EN1: variants seen among roughly 807,000 people sequenced by gnomAD.
EN1 encodes the protein homeobox protein engrailed-1.
A neutral mutation model predicts 22.9 loss-of-function variants in EN1; 8 were observed. The ratio of observed to expected loss-of-function variants is 0.35; its 90% CI spans 0.20 to 0.63. The LOEUF is 0.63. Ranked by LOEUF, EN1 falls within the 20% of genes least tolerant of loss-of-function variation. The pLI, the probability that EN1 is intolerant of heterozygous loss-of-function variation, is 0.73. For synonymous variants in EN1, 287 were observed against 262.5 expected, an observed-to-expected ratio of 1.09 and a Z score of -0.90; for missense variants, 521 against 572.1, an observed-to-expected ratio of 0.91 and a Z score of 0.91.
At chr2:118,844,840 T>C (rs1022796416) in intron 1 of EN1, among the ~76,000 whole-genome samples, 2 of 152,062 alleles carry the variant, frequency 1.3e-5, no homozygotes, top group East Asian at 1.9e-4. Context: ...CCCAGGCCCA[T>C]AAGAAGGAAA....
In EN1 at chr2:118,842,769, C is replaced by T. The variant is rs571324706; in HGVS notation, c.*169G>A. 2 of 1,183,848 alleles carry T rather than the reference C, an allele frequency of 1.7e-6. No individual in the cohort carries two copies. Among genetic ancestry groups the T allele is most frequent in the Non-Finnish European group, 2.3e-6 (2 of 876,582 alleles). The allele number at this position is 1,183,848 out of a possible 1,614,324, so 73.3% of individuals were successfully genotyped here. On this transcript the variant is annotated 3_prime_UTR_variant, in exon 2 of 2. Coordinates refer to ENST00000295206, the MANE Select transcript of EN1 (RefSeq NM_001426.4). Reference sequence around the variant, plus strand: ...GAGTCTTTCTCCCTTTTCAAAAATGCTGCGTTTCAACGTCATTGTCCATTC... The same window carrying T: ...GAGTCTTTCTCCCTTTTCAAAAATGTTGCGTTTCAACGTCATTGTCCATTC...
In EN1 at chr2:118,843,225, T is replaced by G; in HGVS notation, c.892A>C (p.Lys298Gln). The G allele has an allele frequency of 7.1e-7, 1 of 1,417,698 alleles. No individual in the cohort carries two copies. Among genetic ancestry groups the G allele is most frequent in the East Asian group, 3.6e-5 (1 of 28,156 alleles). The allele number at this position is 1,417,698 out of a possible 1,614,324, so 87.8% of individuals were successfully genotyped here. The change falls in exon 2 of 2, where the codon AAG becomes CAG. Residue 298 changes from lysine (K) to glutamine (Q), a missense_variant. Lys to Gln is a moderately conservative substitution (Grantham distance 53). This residue lies in a region of EN1 where 50 missense variants were observed against 121.8 expected (regional missense o/e 0.41). Coordinates refer to ENST00000295206, the MANE Select transcript of EN1 (RefSeq NM_001426.4). ...GGCCGCTTGTCCTCCTTCTCGTTCT[T>G]CTTCTTCTTCAGCTTCCTGGTGCGC... ...GPRTRKLKKK[K>Q]NEKEDKRPRT...
At position 118,847,048 on chromosome 2, in the gene EN1, G is replaced by A; in HGVS notation, c.120C>T (p.Gly40=). Residue 40 remains glycine, a synonymous_variant, in exon 1 of 2, where the codon GGC becomes GGT. Coordinates refer to ENST00000295206, the MANE Select transcript of EN1 (RefSeq NM_001426.4). ...SLSPGASGSS[G]SGSDGDSVPV... is the part of the protein sequence containing the mutation. ...GCACGCTGTCTCCATCGCTGCCGCT[G>A]CCGCTGCTGCCGCTGGCGCCCGGAC... is the stretch of plus-strand genomic sequence containing the variant. 7.1e-7 allele frequency: 1 copy of A among 1,414,206 alleles called. No individual in the cohort carries two copies. Among genetic ancestry groups the A allele is most frequent in the Non-Finnish European group, 9.2e-7 (1 of 1,086,374 alleles). The allele number at this position is 1,414,206 out of a possible 1,614,324, so 87.6% of individuals were successfully genotyped here.
Position 118,846,995 on chromosome 2 carries a change from G to A in EN1, c.173C>T (p.Ser58Leu), listed in dbSNP as rs1678288077. The stretch of plus-strand genomic sequence containing the variant: ...CGGCAGGCAAGGCGCCGCGGGCGGC[G>A]AGGGGGGCGCAGGCTGCGGGGACAC... ...VPVSPQPAPPSPPAAPCLPPL... is the reference protein window; with the variant it reads ...VPVSPQPAPPLPPAAPCLPPL... Residue 58 changes from serine (S) to leucine (L), a missense_variant, in exon 1 of 2, where the codon TCG (serine) becomes TTG (leucine). Coordinates refer to ENST00000295206, the MANE Select transcript of EN1 (RefSeq NM_001426.4). The surrounding 1 kb of genome is among the most constrained non-coding windows in gnomAD (Gnocchi z 5.0). 7.4e-7 allele frequency: 1 copy of A among 1,359,432 alleles called. No individual in the cohort carries two copies. Among genetic ancestry groups the A allele is most frequent in the Non-Finnish European group, 9.4e-7 (1 of 1,066,622 alleles). The allele number at this position is 1,359,432 out of a possible 1,614,324, so 84.2% of individuals were successfully genotyped here.
Position 118,843,334 on chromosome 2 carries a change from C to A in EN1, c.863-80G>T, listed in dbSNP as rs554701340. 3.7e-5 allele frequency: 44 copies of A among 1,192,094 alleles called. No individual in the cohort carries two copies. In the African/African-American group the frequency reaches 6.4e-4, roughly 17 times the overall value. The allele number at this position is 1,192,094 out of a possible 1,614,324, so 73.8% of individuals were successfully genotyped here. On this transcript the variant is annotated intron_variant, in intron 1 of 1. Coordinates refer to ENST00000295206, the MANE Select transcript of EN1 (RefSeq NM_001426.4). ...GGAGGGGGGAGAGGGCAAAGGAAGC[C>A]GTGAGAATAGCATTGCCGAGCTGGG...
In EN1 at chr2:118,846,529, CGCCGCCGCCGCCACTGCCGCCGCG is replaced by C. The variant is rs758084818; in HGVS notation, c.615_638del (p.Val209_Ala216del). The C allele has an allele frequency of 1.6e-3, 2,008 of 1,219,408 alleles. 35 individuals carry two copies. In the African/African-American group the frequency reaches 0.027, roughly 16 times the overall value. The allele number at this position is 1,219,408 out of a possible 1,614,324, so 75.5% of individuals were successfully genotyped here. On this transcript the variant is annotated inframe_deletion, in exon 1 of 2. Coordinates refer to ENST00000295206, the MANE Select transcript of EN1 (RefSeq NM_001426.4). The surrounding 1 kb of genome is among the most constrained non-coding windows in gnomAD (Gnocchi z 5.0). ...CCGAGGGCTTGGCTGCTGCGGCCGCCGCCGCCGCCGCCACTGCCGCCGCGGCCGCCGCCGCCGCCGCAGCCGGGT... is the reference window on the plus strand; with the variant it reads ...CCGAGGGCTTGGCTGCTGCGGCCGCCGCCGCCGCCGCCGCCGCAGCCGGGT...
Position 118,846,175 on chromosome 2 carries a change from G to A in EN1, c.862+131C>T. The A allele has an allele frequency of 2.2e-6, 3 of 1,374,082 alleles. No homozygotes were observed. The highest frequency in any genetic ancestry group is 2.0e-6 in the Non-Finnish European group (2 of 1,016,958). The allele number at this position is 1,374,082 out of a possible 1,614,324, so 85.1% of individuals were successfully genotyped here. ...TGAACATTCGGTTGTGACTGGAACT[G>A]GGGTGAGGAAGCAGGCGTGAGAGAC... On this transcript the variant is annotated intron_variant, in intron 1 of 1. Coordinates refer to ENST00000295206, the MANE Select transcript of EN1 (RefSeq NM_001426.4). The surrounding 1 kb of genome is among the most constrained non-coding windows in gnomAD (Gnocchi z 5.0).
chr2:118,847,352 C>G lies in EN1; in HGVS notation c.-185G>C, dbSNP rs1678297241. 1 of 369,912 alleles carries G rather than the reference C, an allele frequency of 2.7e-6. No individual in the cohort carries two copies. The highest frequency in any genetic ancestry group is 2.1e-5 in the African/African-American group (1 of 47,070). 22.9% of individuals were successfully genotyped at this position (369,912 alleles called of 1,614,324 possible). A position where few individuals can be genotyped will look rare whatever the true frequency, so the allele number is the denominator to read the frequency against. Reference sequence around the variant, plus strand: ...TCTGGCCTGGATCGCTCGTTCTTATCTAGCAGATAGATCTCGCTGTCTCTC... The same window carrying G: ...TCTGGCCTGGATCGCTCGTTCTTATGTAGCAGATAGATCTCGCTGTCTCTC... On this transcript the variant is annotated 5_prime_UTR_variant, in exon 1 of 2. Coordinates refer to ENST00000295206, the MANE Select transcript of EN1 (RefSeq NM_001426.4).
chr2:118,843,343 A>C, intron 1 of EN1, 89 bp from the exon 2 acceptor site: 1 of 1,121,196 alleles, frequency 8.9e-7, no homozygotes, highest in Non-Finnish European at 1.2e-6. Flanking sequence ...CCGTGAGAAT[A>C]GCATTGCCGA....
intron 1 of EN1, among the ~76,000 whole-genome samples, chr2:118,845,595 T>C (rs1316778224): frequency 6.6e-6 from 1 of 152,216 alleles, no homozygotes; most frequent in East Asian, 1.9e-4. Context: ...ACACGCTTCC[T>C]GGCCTGAGCC....
At position 118,846,761 on chromosome 2, in the gene EN1, G is replaced by A; in HGVS notation, c.407C>T (p.Ala136Val). Reference protein sequence around the residue: ...LLVAAAARGGAGGGGRVERDR... With the variant: ...LLVAAAARGGVGGGGRVERDR... ...ACGCTCGACCCGGCCTCCTCCTCCT[G>A]CGCCTCCTCTGGCCGCCGCAGCCAC... Residue 136 changes from alanine (A) to valine (V), a missense_variant, in exon 1 of 2, where the codon GCA becomes GTA. By Grantham distance (64) the Ala-to-Val change is moderately conservative (BLOSUM62 0). This residue lies in a region of EN1 where 436 missense variants were observed against 410.1 expected (regional missense o/e 1.06). Transcript: ENST00000295206. This position sits in a 1 kb window ranked among gnomAD's most constrained non-coding sequence, Gnocchi z 5.0. 1 of 1,594,802 alleles carries A rather than the reference G, an allele frequency of 6.3e-7. No individual in the cohort carries two copies. Among genetic ancestry groups the A allele is most frequent in the South Asian group, 1.1e-5 (1 of 90,116 alleles).
rs1558801788 is a variant in EN1 at position 118,847,331 on chromosome 2, G to A, written c.-164C>T. On this transcript the variant is annotated 5_prime_UTR_variant, in exon 1 of 2. Coordinates refer to ENST00000295206, the MANE Select transcript of EN1 (RefSeq NM_001426.4). ...TGCAGGAAAAAAGCTCAGGCGTCTG[G>A]CCTGGATCGCTCGTTCTTATCTAGC... 7 of 383,618 alleles carry A rather than the reference G, an allele frequency of 1.8e-5. No homozygotes were observed. The highest frequency in any genetic ancestry group is 4.7e-5 in the Admixed American group (1 of 21,410). 23.8% of individuals were successfully genotyped at this position (383,618 alleles called of 1,614,324 possible).
In EN1 at chr2:118,846,080, C is replaced by T. The variant is rs1678263390; in HGVS notation, c.862+226G>A. The stretch of plus-strand genomic sequence containing the variant: ...GAGTTCAAAATCAAAGAATCGAGAC[C>T]CGAGCCTCCTGTGCCACGAGCTGTA... On this transcript the variant is annotated intron_variant, in intron 1 of 1. Transcript: ENST00000295206. This position sits in a 1 kb window ranked among gnomAD's most constrained non-coding sequence, Gnocchi z 5.0. 6.6e-6 allele frequency among the ~76,000 whole-genome samples: 1 copy of T among 152,036 alleles called. No individual in the cohort carries two copies. Among genetic ancestry groups the T allele is most frequent in the African/African-American group, 2.4e-5 (1 of 41,408 alleles).
At position 118,846,060 on chromosome 2, in the gene EN1, C is replaced by A. The variant is rs1018169228; in HGVS notation, c.862+246G>T. The stretch of plus-strand genomic sequence containing the variant: ...AAGAAGGCCCCAGGGATTCAGAGTT[C>A]AAAATCAAAGAATCGAGACCCGAGC... On this transcript the variant is annotated intron_variant, in intron 1 of 1. Transcript: ENST00000295206. The surrounding 1 kb of genome is among the most constrained non-coding windows in gnomAD (Gnocchi z 5.0). Among the ~76,000 whole-genome samples the A allele has an allele frequency of 6.6e-6, 1 of 151,884 alleles. No homozygotes were observed. The highest frequency in any genetic ancestry group is 2.4e-5 in the African/African-American group (1 of 41,332).
In EN1 at chr2:118,847,131, C is replaced by G. The variant is rs1678292036; in HGVS notation, c.37G>C (p.Asp13His). Residue 13 changes from aspartate (D) to histidine (H), a missense_variant, in exon 1 of 2, where the codon GAC becomes CAC. Asp to His is a moderately conservative substitution (Grantham distance 81). This residue lies in a region of EN1 where 436 missense variants were observed against 410.1 expected (regional missense o/e 1.06). Coordinates refer to ENST00000295206, the MANE Select transcript of EN1 (RefSeq NM_001426.4). Reference sequence around the variant, plus strand: ...GCCGCCGCCGCGCCGAGGGCCGAGTCGCGCTGACTTTTAGGTTCCGGCTGC... The same window carrying G: ...GCCGCCGCCGCGCCGAGGGCCGAGTGGCGCTGACTTTTAGGTTCCGGCTGC... ...EQQPEPKSQR[D>H]SALGAAAAAT... 1 of 1,317,650 alleles carries G rather than the reference C, an allele frequency of 7.6e-7. No individual in the cohort carries two copies. Among genetic ancestry groups the G allele is most frequent in the South Asian group, 1.4e-5 (1 of 70,094 alleles). The allele number at this position is 1,317,650 out of a possible 1,614,324, so 81.6% of individuals were successfully genotyped here.
chr2:118,842,237 T>C lies in EN1; in HGVS notation c.*701A>G, dbSNP rs1678199475. ...TGAACATAATAAAATCTTTGGCTTG[T>C]AGCGGCGGTTCAGTCTCGCAGTCTG... is the stretch of plus-strand genomic sequence containing the variant. On this transcript the variant is annotated 3_prime_UTR_variant, in exon 2 of 2. Coordinates refer to ENST00000295206, the MANE Select transcript of EN1 (RefSeq NM_001426.4). 1 of 152,596 alleles carries C rather than the reference T, an allele frequency of 6.6e-6. No individual in the cohort carries two copies. The highest frequency in any genetic ancestry group is 6.5e-5 in the Admixed American group (1 of 15,278). 9.5% of individuals were successfully genotyped at this position (152,596 alleles called of 1,614,324 possible).
chr2:118,845,993 C>T (rs1225500200), intron 1 of EN1, among the ~76,000 whole-genome samples: 6 of 152,206 alleles, frequency 3.9e-5, no homozygotes, highest in Non-Finnish European at 8.8e-5. Flanking sequence ...AAGAAAATCA[C>T]TGACTATGTA....
In EN1 at chr2:118,847,044, C is replaced by T. The variant is rs1052346035; in HGVS notation, c.124G>A (p.Gly42Ser). Residue 42 changes from glycine (G) to serine (S), a missense_variant, in exon 1 of 2, where the codon GGC (glycine) becomes AGC (serine). Gly to Ser is a moderately conservative substitution (Grantham distance 56). Coordinates refer to ENST00000295206, the MANE Select transcript of EN1 (RefSeq NM_001426.4). ...SPGASGSSGS[G>S]SDGDSVPVSP... The stretch of plus-strand genomic sequence containing the variant: ...ACCGGCACGCTGTCTCCATCGCTGC[C>T]GCTGCCGCTGCTGCCGCTGGCGCCC... The T allele has an allele frequency of 5.0e-6, 7 of 1,413,714 alleles. No homozygotes were observed. The highest frequency in any genetic ancestry group is 1.5e-5 in the African/African-American group (1 of 66,690). The allele number at this position is 1,413,714 out of a possible 1,614,324, so 87.6% of individuals were successfully genotyped here.
At position 118,846,337 on chromosome 2, in the gene EN1, G is replaced by A. The variant is rs1340879933; in HGVS notation, c.831C>T (p.Tyr277=). ...ATGGACGATCCGAATAACGTGTGCA[G>A]TACACCCAGGCGGGCCATACGAGAG... is the stretch of plus-strand genomic sequence containing the variant. ...QQPLVWPAWV[Y]CTRYSDRPSS... is the part of the protein sequence containing the mutation. Residue 277 remains tyrosine (Y), a synonymous_variant, in exon 1 of 2, where the codon TAC becomes TAT. Transcript: ENST00000295206. This position sits in a 1 kb window ranked among gnomAD's most constrained non-coding sequence, Gnocchi z 5.0. 1 of 1,612,980 alleles carries A rather than the reference G, an allele frequency of 6.2e-7. No homozygotes were observed. Among genetic ancestry groups the A allele is most frequent in the Admixed American group, 1.7e-5 (1 of 59,954 alleles).
Sources: allele counts gnomAD v4.1 joint callset (sites outside exome capture counted in the v4.1 genomes callset), GRCh38; gene constraint gnomAD v4.1.1; regional missense constraint gnomAD v4.1.1; non-coding constraint Gnocchi (gnomAD v3.1); transcripts MANE v1.5; gene names NCBI Gene and HGNC (gene_info 2026-07-23, HGNC 2026-07-21).